Variants in ENDOV observed in about 807,000 individuals in gnomAD.
The protein encoded by ENDOV is hEndoV.
Under a neutral mutation model 39.4 loss-of-function variants are expected in ENDOV, and 37 were observed. The ratio of observed to expected loss-of-function variants is 0.94; its 90% CI spans 0.72 to 1.23. ENDOV has a LOEUF of 1.23. Ranked by LOEUF, ENDOV falls within the 50% of genes most tolerant of loss-of-function variation. The pLI is 0.00. For synonymous variants in ENDOV, 186 were observed against 163.4 expected, an observed-to-expected ratio of 1.14 and a Z score of -1.05; for missense variants, 441 against 375.7, an observed-to-expected ratio of 1.17 and a Z score of -1.44.
intron 6 of ENDOV, 119 bp from the exon 7 acceptor site, chr17:80,425,373 C>T (rs1599401873): frequency 7.1e-7 from 1 of 1,410,012 alleles, no homozygotes; most frequent in East Asian, 2.5e-5. Context: ...GAGAGCACTG[C>T]CCCTTCAGCT....
chr17:80,419,934 C>T, intron 2 of ENDOV: 1 of 469,022 alleles, frequency 2.1e-6, no homozygotes, highest in Non-Finnish European at 3.9e-6. Flanking sequence ...CCAGACCTGC[C>T]CCCTACGCTA....
intron 7 of ENDOV, chr17:80,427,927 C>T (rs1296724069): frequency 3.3e-5 from 39 of 1,180,470 alleles, no homozygotes; most frequent in East Asian, 5.8e-5. Context: ...GGGGATTAGC[C>T]GTTGCTTTCC....
chr17:80,431,640 T>G (rs1305743532), intron 9 of ENDOV, among the ~76,000 whole-genome samples: 1 of 151,770 alleles, frequency 6.6e-6, no homozygotes, highest in African/African-American at 2.4e-5. Flanking sequence ...TGCTTCAGGG[T>G]GTCAGTGGCC....
In ENDOV at chr17:80,415,831, G is replaced by GAC. The variant is rs1235116855; in HGVS notation, c.228+11_228+12insCA. ...CTTCCCTGAGCTCGAGGTAACCTGG[G>GAC]AGGACGCCGAGCTCGAGGCGGGCCC... On this transcript the variant is annotated intron_variant, in intron 2 of 9. Transcript: ENST00000518137. 1.3e-6 allele frequency: 2 copies of GAC among 1,584,144 alleles called. No individual in the cohort carries two copies. The highest frequency in any genetic ancestry group is 2.7e-5 in the African/African-American group (2 of 74,372).
Position 80,429,824 on chromosome 17 carries a change from G to A in ENDOV, c.831G>A (p.Glu277=), listed in dbSNP as rs760597730. Residue 277 remains glutamate (E), a synonymous_variant, in exon 9 of 10, where the codon GAG becomes GAA. Transcript: ENST00000518137. ...CATGCCCCAAAGGAGACTCCGGAGA[G>A]TCCTCAGGTGAGGGCCAGCCCCCAC... ...PVACPKGDSG[E]SSALC is the part of the protein sequence containing the mutation. The A allele has an allele frequency of 9.3e-6, 15 of 1,612,760 alleles. No individual in the cohort carries two copies. In the South Asian group the frequency reaches 1.6e-4, roughly 18 times the overall value.
At chr17:80,415,332 G>A (rs2080938313) in intron 1 of ENDOV, 82 bp downstream of exon 1, 2 of 1,524,096 alleles carry the variant, frequency 1.3e-6, no homozygotes, top group South Asian at 2.3e-5. Flanking sequence ...ATAGTCTTCA[G>A]GCTGTGGAAT....
intron 7 of ENDOV, chr17:80,427,644 C>T (rs2082876584): frequency 8.3e-7 from 1 of 1,207,932 alleles, no homozygotes; most frequent in Non-Finnish European, 1.1e-6. Context: ...CATTTTCTTC[C>T]TGAGCTCACT....
At chr17:80,421,203 T>TA (rs1415295194) in intron 2 of ENDOV, among the ~76,000 whole-genome samples, 1 of 147,104 alleles carries the variant, frequency 6.8e-6, no homozygotes, top group Non-Finnish European at 1.5e-5. Flanking sequence ...TCCTATGGAC[T>TA]AGATTCCAGG....
At chr17:80,427,109 C>T (rs1413133779) in intron 7 of ENDOV, among the ~76,000 whole-genome samples, 1 of 152,268 alleles carries the variant, frequency 6.6e-6, no homozygotes, top group Non-Finnish European at 1.5e-5. Flanking sequence ...GGGAGCTGTG[C>T]TCAGTGGTGG....
intron 1 of ENDOV, 147 bp from the exon 2 acceptor site, chr17:80,415,503 G>A: frequency 4.3e-6 from 5 of 1,155,120 alleles, no homozygotes; most frequent in Non-Finnish European, 6.0e-6. Flanking sequence ...GGCTCCTAGG[G>A]ACTGTGGCCT....
intron 9 of ENDOV, chr17:80,430,087 G>A: frequency 6.5e-7 from 1 of 1,535,598 alleles, no homozygotes; most frequent in Non-Finnish European, 8.7e-7. Flanking sequence ...CCACCCCAGG[G>A]GGACGCCGCA....
Position 80,425,036 on chromosome 17 carries a change from G to C in ENDOV, c.521G>C (p.Arg174Pro). Residue 174 changes from arginine (R) to proline (P), a missense_variant, in exon 6 of 10, where the codon CGA becomes CCA. Physicochemically the swap from Arg to Pro is moderately radical, Grantham distance 103. Transcript: ENST00000518137. ...ATTTTTCCCTCCATTTTCCAGATCC[G>C]ACTCCTGCAGACTCGAGGAGACTCA... is the stretch of plus-strand genomic sequence containing the variant. ...ENNALHKEKI[R>P]LLQTRGDSFP... 6.2e-7 allele frequency: 1 copy of C among 1,612,058 alleles called. No homozygotes were observed. Among genetic ancestry groups the C allele is most frequent in the Non-Finnish European group, 8.5e-7 (1 of 1,179,190 alleles).
chr17:80,421,171 T>C (rs1275551444), intron 2 of ENDOV, among the ~76,000 whole-genome samples: 1 of 151,822 alleles, frequency 6.6e-6, no homozygotes, highest in Non-Finnish European at 1.5e-5. Flanking sequence ...AATCCTCCTA[T>C]GGACCAGGTC....
chr17:80,417,430 C>G (rs1011066089), intron 2 of ENDOV: 2 of 152,226 alleles, frequency 1.3e-5, no homozygotes, highest in African/African-American at 4.8e-5. Flanking sequence ...TCCGTTTGGG[C>G]TGCTGTAATA....
chr17:80,419,697 C>T (rs1037289690), intron 2 of ENDOV: 13 of 702,118 alleles, frequency 1.9e-5, no homozygotes, highest in African/African-American at 7.0e-5. Context: ...CAAGAGGCTG[C>T]GATGACGTCC....
At position 80,436,133 on chromosome 17, in the gene ENDOV, C is replaced by G. The variant is rs2083581054; in HGVS notation, c.839C>G (p.Ala280Gly). 7 of 1,611,292 alleles carry G rather than the reference C, an allele frequency of 4.3e-6. No individual in the cohort carries two copies. Among genetic ancestry groups the G allele is most frequent in the Middle Eastern group, 1.6e-4 (1 of 6,076 alleles). The change falls in exon 10 of 10, where the codon GCA becomes GGA. Residue 280 changes from alanine (A) to glycine (G), a missense_variant and splice_region_variant. Transcript: ENST00000518137. ...TCATTGCTCTGGCTGGAACGTCTAGCACTTTGTTGAACGTGGTGGTGAGAG... is the reference window on the plus strand; with the variant it reads ...TCATTGCTCTGGCTGGAACGTCTAGGACTTTGTTGAACGTGGTGGTGAGAG... ...CPKGDSGESS[A>G]LC
chr17:80,422,080 A>G (rs1335005454), intron 3 of ENDOV, 118 bp downstream of exon 3: 1 of 1,557,986 alleles, frequency 6.4e-7, no homozygotes, highest in African/African-American at 1.4e-5. Flanking sequence ...TTCCTGGAAG[A>G]GAGGAATGAG....
At chr17:80,431,465 G>A (rs1290823442) in intron 9 of ENDOV, among the ~76,000 whole-genome samples, 1 of 152,234 alleles carries the variant, frequency 6.6e-6, no homozygotes, top group Non-Finnish European at 1.5e-5. Context: ...GGGAGCGGAT[G>A]CCGAGGGGCT....
chr17:80,422,316 C>T lies in ENDOV; in HGVS notation c.403+71C>T. On this transcript the variant is annotated intron_variant, in intron 4 of 9. Transcript: ENST00000518137. ...CGGGGGGAGAGGGCACCTCTGTCGT[C>T]CCCCACAGAAAATGCTGGGCCCTCG... 11 of 1,567,888 alleles carry T rather than the reference C, an allele frequency of 7.0e-6. No homozygotes were observed. The South Asian group carries it at 1.0e-4, about 15-fold the overall frequency.
Sources: gnomAD v4.1 joint callset for allele counts (sites outside exome capture counted in the v4.1 genomes callset) on GRCh38, gnomAD v4.1.1 for gene constraint, MANE v1.5 for transcripts, NCBI Gene and HGNC (gene_info 2026-07-23, HGNC 2026-07-21) for gene names.